The following GRID2 variants were observed in gnomAD, a reference collection of about 807,000 sequenced individuals.
GRID2 encodes the protein glutamate ionotropic receptor delta type subunit 2, also known as glutamate receptor ionotropic, delta-2.
In GRID2, 33 loss-of-function variants were observed where a neutral mutation model predicts 114.8. The observed-to-expected ratio is 0.29, with a 90% CI of 0.22 to 0.38. The LOEUF (loss-of-function observed/expected upper bound fraction) is 0.38. GRID2 is among the 10% of genes least tolerant of loss of function. GRID2 has a pLI of 1.00. For missense variants in GRID2, 1,184 were observed against 1,257.7 expected, an observed-to-expected ratio of 0.94 and a Z score of 0.89; for synonymous variants, 505 against 449.9, an observed-to-expected ratio of 1.12 and a Z score of -1.55.
At chr4:92,452,808 T>C (rs575819944) in intron 1 of GRID2, among the ~76,000 whole-genome samples, 2 of 145,270 alleles carry the variant, frequency 1.4e-5, no homozygotes, top group African/African-American at 5.3e-5. Flanking sequence ...TACATGTATA[T>C]ATAATATATG....
chr4:92,437,382 C>T (rs534904611), intron 1 of GRID2, among the ~76,000 whole-genome samples: 4 of 152,290 alleles, frequency 2.6e-5, no homozygotes, highest in South Asian at 2.1e-4. Context: ...CAGGTTCAAG[C>T]GATTCTCATG....
At chr4:92,790,119 C>T (rs759686328) in intron 2 of GRID2, among the ~76,000 whole-genome samples, 11 of 151,594 alleles carry the variant, frequency 7.3e-5, no homozygotes, top group Admixed American at 4.0e-4. Context: ...TGTGCGTATG[C>T]GTGTATACAT....
At chr4:92,706,059 G>A (rs1010758111) in intron 2 of GRID2, among the ~76,000 whole-genome samples, 4 of 152,160 alleles carry the variant, frequency 2.6e-5, no homozygotes, top group Non-Finnish European at 5.9e-5. Context: ...TAAAGGCGCA[G>A]TTTTAAAAAC....
chr4:92,498,509 GT>G, intron 1 of GRID2, among the ~76,000 whole-genome samples: 1 of 151,510 alleles, frequency 6.6e-6, no homozygotes, highest in East Asian at 1.9e-4. Flanking sequence ...AAAGGATAAG[GT>G]TTTTAATTTT....
chr4:93,737,637 G>T (rs1171489400), intron 14 of GRID2, among the ~76,000 whole-genome samples: 1 of 152,004 alleles, frequency 6.6e-6, no homozygotes, highest in African/African-American at 2.4e-5. Context: ...GATTATTTAG[G>T]TCAGTAAATA....
At chr4:92,369,485 C>A (rs1247472205) in intron 1 of GRID2, among the ~76,000 whole-genome samples, 1 of 152,126 alleles carries the variant, frequency 6.6e-6, no homozygotes, top group African/African-American at 2.4e-5. Flanking sequence ...AGGACAGATG[C>A]TTGTTTACAA....
At chr4:92,345,153 C>G (rs777852489) in intron 1 of GRID2, among the ~76,000 whole-genome samples, 1 of 152,162 alleles carries the variant, frequency 6.6e-6, no homozygotes, top group Non-Finnish European at 1.5e-5. Context: ...TTTCCATACC[C>G]GAGCTACTTC....
At chr4:93,414,724 G>A (rs1380394888) in intron 9 of GRID2, among the ~76,000 whole-genome samples, 1 of 129,194 alleles carries the variant, frequency 7.7e-6, no homozygotes, top group African/African-American at 3.4e-5. Context: ...TTTGTTTGTT[G>A]TCTGTCACTC....
At chr4:93,337,720 A>C (rs2149241323) in intron 8 of GRID2, among the ~76,000 whole-genome samples, 1 of 152,292 alleles carries the variant, frequency 6.6e-6, no homozygotes, top group South Asian at 2.1e-4. Flanking sequence ...GAGACCAATG[A>C]AGACTAATCT....
intron 4 of GRID2, among the ~76,000 whole-genome samples, chr4:93,164,140 A>G (rs986572505): frequency 5.3e-5 from 8 of 151,740 alleles, no homozygotes; most frequent in African/African-American, 1.7e-4. Flanking sequence ...GTGACAGGCG[A>G]AAAACCAAGC....
At chr4:93,795,888 G>A (rs574761085) in intron 1 of GRID2, among the ~76,000 whole-genome samples, 3 of 152,318 alleles carry the variant, frequency 2.0e-5, no homozygotes, top group South Asian at 2.1e-4. Context: ...ATTGAGGAGC[G>A]TGTGGAAGAA....
intron 9 of GRID2, among the ~76,000 whole-genome samples, chr4:93,396,848 C>T (rs1765379486): frequency 6.6e-6 from 1 of 152,022 alleles, no homozygotes; most frequent in South Asian, 2.1e-4. Flanking sequence ...CGAAGGCATA[C>T]ATTCTCCTTT....
chr4:92,605,817 G>GT (rs932487842), intron 2 of GRID2, among the ~76,000 whole-genome samples: 1 of 152,040 alleles, frequency 6.6e-6, no homozygotes, highest in South Asian at 2.1e-4. Flanking sequence ...TTACTTGTGA[G>GT]TTTTTTACCT....
chr4:92,801,001 A>T (rs1470190513), intron 2 of GRID2, among the ~76,000 whole-genome samples: 2 of 151,948 alleles, frequency 1.3e-5, no homozygotes, highest in East Asian at 3.9e-4. Flanking sequence ...ACATTAAAGG[A>T]TTGTTGAGTT....
intron 2 of GRID2, among the ~76,000 whole-genome samples, chr4:92,850,543 GA>G (rs1367696616): frequency 6.6e-6 from 1 of 151,798 alleles, no homozygotes; most frequent in Non-Finnish European, 1.5e-5. Context: ...CATTCATTGT[GA>G]GTATTTTACA....
intron 2 of GRID2, among the ~76,000 whole-genome samples, chr4:92,922,739 C>A (rs1008545770): frequency 6.6e-5 from 10 of 152,148 alleles, no homozygotes; most frequent in Admixed American, 1.3e-4. Context: ...TGAATCACCA[C>A]TATACAAAAG....
At chr4:92,565,217 T>C (rs966389487) in intron 1 of GRID2, among the ~76,000 whole-genome samples, 10 of 152,028 alleles carry the variant, frequency 6.6e-5, no homozygotes, top group African/African-American at 2.2e-4. Flanking sequence ...AAATTATTAG[T>C]TTTATAGTGA....
At chr4:92,934,439 T>G (rs1277034534) in intron 2 of GRID2, among the ~76,000 whole-genome samples, 1 of 147,300 alleles carries the variant, frequency 6.8e-6, no homozygotes, top group African/African-American at 2.4e-5. Flanking sequence ...GCTGAGACAA[T>G]GGGGTTTTCT....
intron 1 of GRID2, among the ~76,000 whole-genome samples, chr4:92,493,197 A>C (rs1723234878): frequency 6.6e-6 from 1 of 152,038 alleles, no homozygotes; most frequent in Non-Finnish European, 1.5e-5. Context: ...TTTCGCTAAG[A>C]AAAAAGTGGT....
Sources: gnomAD v4.1 joint callset for allele counts (sites outside exome capture counted in the v4.1 genomes callset) on GRCh38, gnomAD v4.1.1 for gene constraint, MANE v1.5 for transcripts, NCBI Gene and HGNC (gene_info 2026-07-23, HGNC 2026-07-21) for gene names.